PDE3A: variants seen among roughly 807,000 people sequenced by gnomAD.
The protein encoded by PDE3A is phosphodiesterase 3A.
A neutral mutation model predicts 98.3 loss-of-function variants in PDE3A; 43 were observed. That is an observed-to-expected ratio of 0.44 (90% CI 0.34 to 0.56). The LOEUF (loss-of-function observed/expected upper bound fraction) is 0.56, where lower values mean the gene tolerates loss of function less well. PDE3A is among the 20% of genes least tolerant of loss of function. The probability of loss-of-function intolerance (pLI) is 0.01; values close to 1 mark genes in which losing one functional copy is unlikely to be tolerated. For missense variants in PDE3A, 1,427 were observed against 1,440.7 expected, an observed-to-expected ratio of 0.99 and a Z score of 0.15; for synonymous variants, 663 against 567.9, an observed-to-expected ratio of 1.17 and a Z score of -2.38.
intron 12 of PDE3A, 26 bp downstream of exon 12, chr12:20,646,976 G>A: frequency 6.6e-7 from 1 of 1,520,308 alleles, no homozygotes; most frequent in Non-Finnish European, 9.1e-7. Flanking sequence ...TTGGTTAGGA[G>A]AACTAATTTA....
At chr12:20,609,794 T>A (rs1225492831) in intron 2 of PDE3A, among the ~76,000 whole-genome samples, 1 of 151,652 alleles carries the variant, frequency 6.6e-6, no homozygotes, top group Non-Finnish European at 1.5e-5. Context: ...AGGACACAGG[T>A]GGAAAGGGGA....
chr12:20,573,781 A>T (rs1181285832), intron 2 of PDE3A, among the ~76,000 whole-genome samples: 2 of 152,120 alleles, frequency 1.3e-5, no homozygotes, highest in Non-Finnish European at 2.9e-5. Context: ...AATTTTAATT[A>T]GAAACATAAT....
intron 14 of PDE3A, among the ~76,000 whole-genome samples, chr12:20,653,501 T>A (rs1286004215): frequency 6.6e-6 from 1 of 152,064 alleles, no homozygotes; most frequent in Non-Finnish European, 1.5e-5. Flanking sequence ...TAGCTGGGAT[T>A]ACAGGCACCT....
At chr12:20,646,218 T>C (rs1247522527) in intron 10 of PDE3A, among the ~76,000 whole-genome samples, 2 of 152,226 alleles carry the variant, frequency 1.3e-5, no homozygotes, top group East Asian at 3.8e-4. Context: ...GTTTCCTATA[T>C]ACATAGTTTG....
In PDE3A at chr12:20,371,069, G is replaced by A. The variant is rs151027925; in HGVS notation, c.960+825G>A. ...CAGATTTTACAGGAAATACTAATTC[G>A]GGAGGCCATTTCTAAGATTGCTGGA... On this transcript the variant is annotated intron_variant, in intron 1 of 15. Transcript: ENST00000359062. Among the ~76,000 whole-genome samples the A allele has an allele frequency of 4.6e-5, 7 of 152,244 alleles. No homozygotes were observed. In the East Asian group the frequency reaches 1.2e-3, roughly 25 times the overall value.
At chr12:20,651,579 T>C (rs1944917362) in intron 14 of PDE3A, among the ~76,000 whole-genome samples, 1 of 152,146 alleles carries the variant, frequency 6.6e-6, no homozygotes, top group Non-Finnish European at 1.5e-5. Context: ...TACCAGTCTA[T>C]AGAAGTTATT....
intron 1 of PDE3A, among the ~76,000 whole-genome samples, chr12:20,448,752 G>T (rs201101387): frequency 0.27 from 37,281 of 137,106 alleles, 6,164 homozygotes; most frequent in East Asian, 0.64. Context: ...TTATTTTAAG[G>T]TTTTTTTTTT....
intron 1 of PDE3A, among the ~76,000 whole-genome samples, chr12:20,457,714 T>G (rs745329839): frequency 6.6e-6 from 1 of 151,926 alleles, no homozygotes; most frequent in Non-Finnish European, 1.5e-5. Flanking sequence ...CATTTTCTTA[T>G]CTGAGTTATT....
intron 1 of PDE3A, among the ~76,000 whole-genome samples, chr12:20,394,630 T>C (rs1245482300): frequency 6.6e-6 from 1 of 152,122 alleles, no homozygotes; most frequent in Non-Finnish European, 1.5e-5. Flanking sequence ...CTCAAAGTAC[T>C]AAATTTTACA....
intron 1 of PDE3A, among the ~76,000 whole-genome samples, chr12:20,427,061 A>G (rs1944612270): frequency 6.6e-6 from 1 of 152,242 alleles, no homozygotes; most frequent in South Asian, 2.1e-4. Context: ...ATCAAGGAAC[A>G]TTGGATGAAG....
chr12:20,368,645 G>C lies in PDE3A; in HGVS notation c.-640G>C, dbSNP rs927387643. On this transcript the variant is annotated 5_prime_UTR_variant, in exon 1 of 16. Coordinates refer to ENST00000359062, the MANE Select transcript of PDE3A (RefSeq NM_000921.5). ...TCCTTTGCCATGAATTGGATTGACA[G>C]AGGCGGGGGAGGCTTTGCTTTCTGC... Among the ~76,000 whole-genome samples the C allele has an allele frequency of 1.3e-4, 20 of 151,818 alleles. No individual in the cohort carries two copies. The highest frequency in any genetic ancestry group is 4.8e-4 in the African/African-American group (20 of 41,370).
intron 4 of PDE3A, among the ~76,000 whole-genome samples, chr12:20,620,096 A>G (rs556338522): frequency 3.3e-5 from 5 of 152,204 alleles, no homozygotes; most frequent in African/African-American, 1.2e-4. Flanking sequence ...CAATGCATGC[A>G]TAATATTACT....
intron 1 of PDE3A, among the ~76,000 whole-genome samples, chr12:20,410,251 T>C (rs1417864261): frequency 6.6e-6 from 1 of 152,210 alleles, no homozygotes; most frequent in Non-Finnish European, 1.5e-5. Context: ...GGCATGACCC[T>C]GTTGTCTTGG....
At chr12:20,533,710 G>C (rs1389307288) in intron 1 of PDE3A, among the ~76,000 whole-genome samples, 1 of 151,130 alleles carries the variant, frequency 6.6e-6, no homozygotes, top group Non-Finnish European at 1.5e-5. Context: ...TCGATCTCCT[G>C]ACCTCATGAT....
intron 10 of PDE3A, among the ~76,000 whole-genome samples, chr12:20,645,245 C>T (rs1944750124): frequency 6.6e-6 from 1 of 152,054 alleles, no homozygotes; most frequent in Admixed American, 6.5e-5. Flanking sequence ...ACATCCAGGC[C>T]TTTCCACTGA....
chr12:20,672,580 G>A (rs1945515233), intron 15 of PDE3A, among the ~76,000 whole-genome samples: 1 of 147,446 alleles, frequency 6.8e-6, no homozygotes, highest in Non-Finnish European at 1.5e-5. Context: ...ACAAACCTGA[G>A]AAAAACAAGC....
At chr12:20,668,540 C>T (rs919813281) in intron 15 of PDE3A, among the ~76,000 whole-genome samples, 2 of 152,168 alleles carry the variant, frequency 1.3e-5, no homozygotes, top group African/African-American at 4.8e-5. Context: ...GGTCCCTGAC[C>T]CCTGACCCCT....
intron 1 of PDE3A, among the ~76,000 whole-genome samples, chr12:20,412,929 A>G (rs2120717136): frequency 1.3e-5 from 2 of 152,312 alleles, no homozygotes; most frequent in East Asian, 3.9e-4. Flanking sequence ...CATGTTTTAA[A>G]GTCTGTCGCT....
chr12:20,544,375 A>G (rs12822543), intron 1 of PDE3A, among the ~76,000 whole-genome samples: 11,851 of 151,746 alleles, frequency 0.078, 1,065 homozygotes, highest in African/African-American at 0.22. Context: ...ACATTTTAAA[A>G]TATGATTAAT....
Sources: allele counts gnomAD v4.1 joint callset (sites outside exome capture counted in the v4.1 genomes callset), GRCh38; gene constraint gnomAD v4.1.1; transcripts MANE v1.5; gene names NCBI Gene and HGNC (gene_info 2026-07-23, HGNC 2026-07-21).